The following KIZ variants were observed in gnomAD, a reference collection of about 807,000 sequenced individuals.
The protein encoded by KIZ is centrosomal protein kizuna.
In KIZ, 68 loss-of-function variants were observed where a neutral mutation model predicts 79.6. The ratio of observed to expected loss-of-function variants is 0.85; its 90% CI spans 0.70 to 1.05. The LOEUF (loss-of-function observed/expected upper bound fraction) is 1.05. Ranked by LOEUF, KIZ falls within the 50% of genes least tolerant of loss-of-function variation. KIZ has a pLI of 0.00. For missense variants in KIZ, 797 were observed against 800.4 expected (o/e 1.00, Z 0.05); for synonymous variants, 280 against 281.8 (o/e 0.99, Z 0.06).
intron 12 of KIZ, 36 bp from the exon 13 acceptor site, chr20:21,246,442 CA>C (rs1351866676): frequency 7.4e-7 from 1 of 1,344,520 alleles, no homozygotes; most frequent in Non-Finnish European, 1.1e-6. Context: ...AACCAGAATG[CA>C]AAAATGTTAA....
At chr20:21,240,065 T>C (rs2037162485) in intron 11 of KIZ, among the ~76,000 whole-genome samples, 1 of 152,214 alleles carries the variant, frequency 6.6e-6, no homozygotes. Context: ...TGACCAAAGC[T>C]ACTGGGAAAT....
Position 21,136,510 on chromosome 20 carries a change from T to G in KIZ, c.273T>G (p.Val91=), listed in dbSNP as rs760129741. 1.9e-6 allele frequency: 3 copies of G among 1,599,778 alleles called. No homozygotes were observed. Among genetic ancestry groups the G allele is most frequent in the South Asian group, 2.3e-5 (2 of 87,924 alleles). Reference sequence around the variant, plus strand: ...GATTTGAGCGTGTCCAAGCTCATGTTGTACACTTCACCACAAATACAGAGA... The same window carrying G: ...GATTTGAGCGTGTCCAAGCTCATGTGGTACACTTCACCACAAATACAGAGA... ...LKRFERVQAH[V]VHFTTNTEKL... The change falls in exon 3 of 13, where the codon GTT becomes GTG. Residue 91 remains valine, a synonymous_variant. Transcript: ENST00000619189.
chr20:21,136,677 CCTGT>C, intron 3 of KIZ, 125 bp downstream of exon 3: 1 of 596,346 alleles, frequency 1.7e-6, no homozygotes, highest in Non-Finnish European at 2.9e-6. Flanking sequence ...AAGCAGTCCT[CCTGT>C]CTTAGCCTCC....
rs749161121 is a variant in KIZ, at chr20:21,244,303, C to G, written c.1924+15C>G. 5.7e-6 allele frequency: 9 copies of G among 1,566,950 alleles called. No homozygotes were observed. In the East Asian group the frequency reaches 2.0e-4, roughly 35 times the overall value. On this transcript the variant is annotated intron_variant, in intron 12 of 12. Transcript: ENST00000619189. ...AAAATCTAATGGTGAGAGAGATAAT[C>G]GGACACTAGATTTTCTTTTTCTGTT...
intron 1 of KIZ, among the ~76,000 whole-genome samples, chr20:21,126,713 G>A (rs2122237376): frequency 1.3e-5 from 2 of 152,300 alleles, no homozygotes; most frequent in South Asian, 4.1e-4. Context: ...GGTAGCGAGG[G>A]CTGGCTAGAT....
rs764397591 is a variant in KIZ at position 21,162,099 on chromosome 20, A to G, written c.634A>G (p.Ser212Gly). 1.2e-6 allele frequency: 2 copies of G among 1,613,708 alleles called. No homozygotes were observed. The highest frequency in any genetic ancestry group is 1.7e-6 in the Non-Finnish European group (2 of 1,179,676). Residue 212 changes from serine (S) to glycine (G), a missense_variant, in exon 5 of 13, where the codon AGT becomes GGT. By Grantham distance (56) the Ser-to-Gly change is moderately conservative. Coordinates refer to ENST00000619189, the MANE Select transcript of KIZ (RefSeq NM_018474.6). ...GACAGACAGCTGTGTAGTACAAACT[A>G]GTAATGACACACAGTGCTTAAATAA... ...NVTDSCVVQT[S>G]NDTQCLNKSD...
chr20:21,129,107 T>C (rs1191085486), intron 1 of KIZ, among the ~76,000 whole-genome samples: 2 of 152,322 alleles, frequency 1.3e-5, no homozygotes, highest in Non-Finnish European at 2.9e-5. Context: ...GAGGCAAATA[T>C]CTGGTTTTTA....
At chr20:21,230,692 G>A (rs771900425) in intron 10 of KIZ, among the ~76,000 whole-genome samples, 2 of 152,138 alleles carry the variant, frequency 1.3e-5, no homozygotes, top group African/African-American at 4.8e-5. Flanking sequence ...TGGGAGAGCC[G>A]GCCATTGTGG....
intron 6 of KIZ, chr20:21,197,205 G>A (rs192385417): frequency 1.3e-5 from 2 of 152,212 alleles, no homozygotes; most frequent in East Asian, 1.9e-4. Flanking sequence ...GTGATACAAC[G>A]ACAGACCTAA....
chr20:21,222,594 A>G (rs1485941437), intron 9 of KIZ, among the ~76,000 whole-genome samples: 3 of 152,220 alleles, frequency 2.0e-5, no homozygotes, highest in Admixed American at 1.3e-4. Context: ...CAAACTTAAA[A>G]CAACAGAAAT....
Position 21,145,710 on chromosome 20 carries a change from A to G in KIZ, c.405+56A>G, listed in dbSNP as rs1445693685. 1.4e-5 allele frequency: 9 copies of G among 654,054 alleles called. No individual in the cohort carries two copies. In the East Asian group the frequency reaches 1.9e-4, roughly 14 times the overall value. The allele number at this position is 654,054 out of a possible 1,614,324, so 40.5% of individuals were successfully genotyped here. On this transcript the variant is annotated intron_variant, in intron 4 of 12. Coordinates refer to ENST00000619189, the MANE Select transcript of KIZ (RefSeq NM_018474.6). ...AACAGAGGAATTCTGGAGTGTTTAT[A>G]TCTTGAGATATTGTTTTAAATAAAA...
chr20:21,213,039 G>C (rs2036133774), intron 7 of KIZ, among the ~76,000 whole-genome samples: 2 of 152,204 alleles, frequency 1.3e-5, no homozygotes, highest in Non-Finnish European at 2.9e-5. Context: ...AGGCTAACTT[G>C]ACACCAAGTT....
At chr20:21,197,371 AT>A (rs950951978) in intron 6 of KIZ, 2 of 152,226 alleles carry the variant, frequency 1.3e-5, no homozygotes, top group Non-Finnish European at 2.9e-5. Flanking sequence ...ACTAATAGTC[AT>A]TTTTCTACAT....
At chr20:21,213,550 C>G (rs1296516693) in intron 7 of KIZ, 1 of 152,206 alleles carries the variant, frequency 6.6e-6, no homozygotes, top group Non-Finnish European at 1.5e-5. Context: ...GGGTCACCAC[C>G]ACCACCGAGG....
At chr20:21,223,424 C>G (rs891383964) in intron 9 of KIZ, among the ~76,000 whole-genome samples, 1 of 152,146 alleles carries the variant, frequency 6.6e-6, no homozygotes, top group African/African-American at 2.4e-5. Context: ...GGTCTCTTCT[C>G]GTGCATCAGC....
chr20:21,135,841 C>T (rs1339570666), intron 2 of KIZ, among the ~76,000 whole-genome samples: 1 of 151,806 alleles, frequency 6.6e-6, no homozygotes, highest in Non-Finnish European at 1.5e-5. Flanking sequence ...TAATTATAGT[C>T]CATATATTAT....
intron 6 of KIZ, among the ~76,000 whole-genome samples, chr20:21,175,880 G>T (rs944457615): frequency 1.3e-5 from 2 of 152,172 alleles, no homozygotes; most frequent in African/African-American, 2.4e-5. Flanking sequence ...GCCAGTCATG[G>T]TGGCACACGC....
rs1336646328 is a variant in KIZ, at chr20:21,246,534, C to T, written c.1980C>T (p.Pro660=). The T allele has an allele frequency of 6.2e-7, 1 of 1,611,982 alleles. No homozygotes were observed. Among genetic ancestry groups the T allele is most frequent in the East Asian group, 2.2e-5 (1 of 44,878 alleles). ...SNSEIEAALR[P]RNHNTDDSDD... ...CAGAAATTGAGGCTGCTTTACGCCC[C>T]AGAAACCATAACACCGATGATTCTG... Residue 660 remains proline, a synonymous_variant, in exon 13 of 13, where the codon CCC becomes CCT. Coordinates refer to ENST00000619189, the MANE Select transcript of KIZ (RefSeq NM_018474.6).
intron 3 of KIZ, among the ~76,000 whole-genome samples, chr20:21,144,669 C>T (rs2122496976): frequency 6.6e-6 from 1 of 152,136 alleles, no homozygotes; most frequent in East Asian, 1.9e-4. Context: ...GGAAACAAAT[C>T]AGTTTGGTTA....
Sources: gnomAD v4.1 joint callset for allele counts (sites outside exome capture counted in the v4.1 genomes callset) on GRCh38, gnomAD v4.1.1 for gene constraint, MANE v1.5 for transcripts, NCBI Gene and HGNC (gene_info 2026-07-23, HGNC 2026-07-21) for gene names.